Variants in TMPRSS9 observed in about 807,000 individuals in gnomAD.
TMPRSS9 encodes the protein transmembrane protease serine 9.
Under a neutral mutation model 111.4 loss-of-function variants are expected in TMPRSS9, and 113 were observed. The observed-to-expected ratio is 1.01, with a 90% confidence interval of 0.87 to 1.19. The LOEUF (loss-of-function observed/expected upper bound fraction) is 1.19. Ranked by LOEUF, TMPRSS9 falls within the 50% of genes most tolerant of loss-of-function variation. TMPRSS9 has a pLI of 0.00. For synonymous variants in TMPRSS9, 805 were observed against 659.1 expected, an observed-to-expected ratio of 1.22 and a Z score of -3.39; for missense variants, 1,803 against 1,513.1, an observed-to-expected ratio of 1.19 and a Z score of -3.18.
chr19:2,416,389 C>G, intron 11 of TMPRSS9, 149 bp from the exon 13 acceptor site: 2 of 1,049,184 alleles, frequency 1.9e-6, no homozygotes, highest in East Asian at 5.3e-5. Flanking sequence ...TTTCCCTGGT[C>G]CTCCTCCCTG....
chr19:2,392,597 G>A (rs1027891486), intron 1 of TMPRSS9, among the ~76,000 whole-genome samples: 1 of 152,168 alleles, frequency 6.6e-6, no homozygotes, highest in African/African-American at 2.4e-5. Context: ...CTCCTGAGTC[G>A]AGTGGGGACT....
At chr19:2,360,304 G>A (rs1390833563) in exon 1 of TMPRSS9, among the ~76,000 whole-genome samples, 1 of 152,156 alleles carries the variant, frequency 6.6e-6, no homozygotes, top group African/African-American at 2.4e-5. Flanking sequence ...GCGGTGAGTC[G>A]GGGTCTCCTG....
At chr19:2,426,198 G>GT in exon 18 of TMPRSS9, 1 of 843,412 alleles carries the variant, frequency 1.2e-6, no homozygotes. Context: ...TGGGGGGGCT[G>GT]TGGGTCATGG....
intron 1 of TMPRSS9, among the ~76,000 whole-genome samples, chr19:2,369,650 A>C (rs1393726796): frequency 7.3e-6 from 1 of 137,294 alleles, no homozygotes; most frequent in African/African-American, 2.8e-5. Context: ...TGTTGCCTAC[A>C]CTGATCTCAA....
chr19:2,378,315 A>G (rs1970355228), intron 1 of TMPRSS9, among the ~76,000 whole-genome samples: 1 of 152,174 alleles, frequency 6.6e-6, no homozygotes, highest in Non-Finnish European at 1.5e-5. Flanking sequence ...TGGTTTCCTG[A>G]GACATGAGAC....
chr19:2,395,143 T>C (rs1175104191), intron 1 of TMPRSS9, among the ~76,000 whole-genome samples: 2 of 151,862 alleles, frequency 1.3e-5, no homozygotes, highest in Non-Finnish European at 2.9e-5. Flanking sequence ...TAACGCTGGG[T>C]GCAGTGGCTC....
At chr19:2,397,251 A>T (rs1188209825) in intron 2 of TMPRSS9, among the ~76,000 whole-genome samples, 1 of 152,082 alleles carries the variant, frequency 6.6e-6, no homozygotes, top group East Asian at 1.9e-4. Flanking sequence ...ATTTTATTCT[A>T]AAGGGGAATC....
intron 1 of TMPRSS9, among the ~76,000 whole-genome samples, chr19:2,365,189 C>T (rs952275809): frequency 2.0e-5 from 3 of 152,150 alleles, no homozygotes; most frequent in East Asian, 1.9e-4. Context: ...TCATGTTTAT[C>T]GGCGTCTTCC....
chr19:2,385,593 G>C (rs1047554531), upstream of TMPRSS9, among the ~76,000 whole-genome samples: 3 of 151,906 alleles, frequency 2.0e-5, no homozygotes, highest in Admixed American at 2.0e-4. Flanking sequence ...AGGTGGCCGG[G>C]TACAGCGGCT....
intron 1 of TMPRSS9, among the ~76,000 whole-genome samples, chr19:2,390,257 T>C (rs1599881): frequency 0.34 from 39,369 of 115,928 alleles, 6,138 homozygotes; most frequent in East Asian, 0.57. Context: ...TTTTTTTTTT[T>C]TGAGACGGAG....
At chr19:2,404,757 C>A (rs922204258) in intron 6 of TMPRSS9, among the ~76,000 whole-genome samples, 3 of 151,550 alleles carry the variant, frequency 2.0e-5, no homozygotes, top group Middle Eastern at 3.4e-3. Flanking sequence ...TTGGTGAAAC[C>A]CCGGCTCTAC....
chr19:2,416,574 T>C, exon 12 of TMPRSS9: 1 of 1,611,506 alleles, frequency 6.2e-7, no homozygotes, highest in Non-Finnish European at 8.5e-7. Flanking sequence ...ACCTGGGCAC[T>C]GCGTCCCTCC....
intron 8 of TMPRSS9, among the ~76,000 whole-genome samples, chr19:2,410,034 C>T (rs1971061398): frequency 6.6e-6 from 1 of 152,022 alleles, no homozygotes; most frequent in Admixed American, 6.6e-5. Flanking sequence ...GGACCTCGGG[C>T]TGGGGGTGTT....
chr19:2,376,106 G>GGGCT (rs1970331889), intron 1 of TMPRSS9, among the ~76,000 whole-genome samples: 1 of 152,156 alleles, frequency 6.6e-6, no homozygotes, highest in Admixed American at 6.6e-5. Context: ...GGTGTGGGCA[G>GGGCT]GGCTGGTCCC....
At chr19:2,403,169 C>T (rs1258806156) in exon 6 of TMPRSS9, 3 of 1,610,712 alleles carry the variant, frequency 1.9e-6, no homozygotes, top group African/African-American at 1.3e-5. Context: ...GAGGACTGCT[C>T]CGATGGGTCC....
At chr19:2,390,609 A>C (rs1178702283) in intron 1 of TMPRSS9, among the ~76,000 whole-genome samples, 1 of 151,136 alleles carries the variant, frequency 6.6e-6, no homozygotes, top group African/African-American at 2.4e-5. Context: ...TAATCCCAGC[A>C]CTTTGGGAGG....
upstream of TMPRSS9, among the ~76,000 whole-genome samples, chr19:2,385,831 A>G (rs2145271004): frequency 6.6e-6 from 1 of 152,278 alleles, no homozygotes; most frequent in Non-Finnish European, 1.5e-5. Context: ...AGCCTGGGTG[A>G]CAGAGCAGGA....
At chr19:2,376,086 C>A (rs1433725941) in intron 1 of TMPRSS9, among the ~76,000 whole-genome samples, 1 of 152,142 alleles carries the variant, frequency 6.6e-6, no homozygotes, top group Non-Finnish European at 1.5e-5. Context: ...CCTCCCTGGG[C>A]CAAAGTCAAG....
At position 2,365,741 on chromosome 19, in the gene TMPRSS9, G is replaced by A. The variant is rs957039506; in HGVS notation, c.-26+5381G>A. Among the ~76,000 whole-genome samples the A allele has an allele frequency of 3.9e-5, 6 of 152,122 alleles. 1 individual carries two copies. The South Asian group carries it at 1.2e-3, about 31-fold the overall frequency. ...GCTATTTGGGAGGCTGAGGCAGGAGGATCACTTGAGCACAGGAAGTTGAGA... is the reference window on the plus strand; with the variant it reads ...GCTATTTGGGAGGCTGAGGCAGGAGAATCACTTGAGCACAGGAAGTTGAGA... On this transcript the variant is annotated intron_variant, in intron 1 of 17. Transcript: ENST00000649857.
Sources: gnomAD v4.1 joint callset for allele counts (sites outside exome capture counted in the v4.1 genomes callset) on GRCh38, gnomAD v4.1.1 for gene constraint, MANE v1.5 for transcripts, NCBI Gene and HGNC (gene_info 2026-07-23, HGNC 2026-07-21) for gene names.